The following ANKRD27 variants were observed in gnomAD, a reference collection of about 807,000 sequenced individuals.
The protein encoded by ANKRD27 is ankyrin repeat domain 27.
ANKRD27 carries 112 observed loss-of-function variants against 129.7 expected under a neutral mutation model. The observed-to-expected ratio is 0.86, with a 90% CI of 0.74 to 1.01. The LOEUF is 1.01. Ranked by LOEUF, ANKRD27 falls within the 50% of genes least tolerant of loss-of-function variation. ANKRD27 has a pLI of 0.00. For missense variants in ANKRD27, 1,258 were observed against 1,300.5 expected, an observed-to-expected ratio of 0.97 and a Z score of 0.50; for synonymous variants, 516 against 511.2, an observed-to-expected ratio of 1.01 and a Z score of -0.13.
chr19:32,674,101 G>A (rs1967929680), intron 1 of ANKRD27, among the ~76,000 whole-genome samples: 1 of 152,004 alleles, frequency 6.6e-6, no homozygotes. Flanking sequence ...AGGCTGCAAT[G>A]AGCTATGATG....
At chr19:32,612,344 G>A (rs10410683) in intron 22 of ANKRD27, among the ~76,000 whole-genome samples, 5,676 of 152,192 alleles carry the variant, frequency 0.037, 337 homozygotes, top group African/African-American at 0.13. Flanking sequence ...ATCAAAATCC[G>A]AGCAAGGTAT....
Position 32,631,429 on chromosome 19 carries a change from A to C in ANKRD27, c.1182T>G (p.Thr394=), listed in dbSNP as rs887033761. Residue 394 remains threonine, a synonymous_variant, in exon 13 of 29, where the codon ACT becomes ACG. Coordinates refer to ENST00000306065, the MANE Select transcript of ANKRD27 (RefSeq NM_032139.3). ...KQRMSLLSQM[T]SSPTDCLFKH... is the part of the protein sequence containing the mutation. ...TAAACAGGCAGTCGGTGGGAGACGA[A>C]GTCATCTGAGAGAGTAAGCTCATTC... is the stretch of plus-strand genomic sequence containing the variant. 3 of 1,614,048 alleles carry C rather than the reference A, an allele frequency of 1.9e-6. No individual in the cohort carries two copies.
intron 3 of ANKRD27, 68 bp downstream of exon 3, chr19:32,649,614 T>C (rs1403633930): frequency 5.6e-6 from 6 of 1,073,814 alleles, no homozygotes; most frequent in South Asian, 5.0e-5. Flanking sequence ...AGAACGGGAC[T>C]CTCTTCCTCC....
In ANKRD27 at chr19:32,619,298, T is replaced by C. The variant is rs2287669; in HGVS notation, c.1969A>G (p.Ser657Gly). The change falls in exon 20 of 29, where the codon AGC becomes GGC. Residue 657 changes from serine (S) to glycine (G), a missense_variant. Transcript: ENST00000306065. Reference protein sequence around the residue: ...STSSFSSMSASSRQEETKKDY... With the variant: ...STSSFSSMSAGSRQEETKKDY... The stretch of plus-strand genomic sequence containing the variant: ...TTCTTGGTCTCCTCCTGCCTTGAGC[T>C]GGCTGACATGGAGGAGAAGCTGGAA... 0.55 allele frequency: 888,716 copies of C among 1,613,012 alleles called. 249,246 individuals are homozygous for C. Among genetic ancestry groups the C allele is most frequent in the Non-Finnish European group, 0.58 (681,745 of 1,179,550 alleles).
chr19:32,633,386 G>A (rs754910241), intron 12 of ANKRD27, among the ~76,000 whole-genome samples: 3 of 138,020 alleles, frequency 2.2e-5, no homozygotes, highest in Non-Finnish European at 3.0e-5. Context: ...AAGCTGGACT[G>A]CAGTGGTATA....
At position 32,628,845 on chromosome 19, in the gene ANKRD27, A is replaced by T; in HGVS notation, c.1214T>A (p.Ile405Asn). ...CACTTCTTTCTGGTTACCTGATGCAATGTGCTGAAAAGTGACATCCAAGAT... is the reference window on the plus strand; with the variant it reads ...CACTTCTTTCTGGTTACCTGATGCATTGTGCTGAAAAGTGACATCCAAGAT... The part of the protein sequence containing the change: ...SSPTDCLFKH[I>N]ASGNQKEVER... The change falls in exon 14 of 29, where the codon ATT (isoleucine) becomes AAT (asparagine). Residue 405 changes from isoleucine to asparagine, a missense_variant. Ile to Asn is a moderately radical substitution (Grantham distance 149). Transcript: ENST00000306065. 6.2e-7 allele frequency: 1 copy of T among 1,614,008 alleles called. No homozygotes were observed. Among genetic ancestry groups the T allele is most frequent in the African/African-American group, 1.3e-5 (1 of 75,040 alleles).
At position 32,626,763 on chromosome 19, in the gene ANKRD27, A is replaced by G. The variant is rs1322057204; in HGVS notation, c.1485T>C (p.His495=). The G allele has an allele frequency of 1.9e-6, 3 of 1,612,482 alleles. No homozygotes were observed. Among genetic ancestry groups the G allele is most frequent in the Non-Finnish European group, 2.5e-6 (3 of 1,179,368 alleles). The change falls in exon 16 of 29, where the codon CAT becomes CAC. Residue 495 remains histidine (H), a synonymous_variant. Transcript: ENST00000306065. The part of the protein sequence containing the change: ...KGAMVNATDY[H]GATPLHLACQ... ...AGGCCAGGTGGAGCGGAGTGGCTCC[A>G]TGGTAGTCTGTGGCATTTACCATGG...
chr19:32,617,833 C>T (rs1301978360), intron 20 of ANKRD27, among the ~76,000 whole-genome samples, 200 bp from the exon 21 acceptor site: 1 of 151,468 alleles, frequency 6.6e-6, no homozygotes, highest in Non-Finnish European at 1.5e-5. Context: ...CGGCTCACCG[C>T]AACCTCCGCC....
Position 32,628,831 on chromosome 19 carries a change from G to T in ANKRD27, c.1228C>A (p.Gln410Lys). The change falls in exon 14 of 29, where the codon CAG becomes AAG. Residue 410 changes from glutamine (Q) to lysine (K), a missense_variant. Gln to Lys is a moderately conservative substitution (Grantham distance 53). Coordinates refer to ENST00000306065, the MANE Select transcript of ANKRD27 (RefSeq NM_032139.3). ...CTCAGAAGTCTCTCCACTTCTTTCT[G>T]GTTACCTGATGCAATGTGCTGAAAA... ...CLFKHIASGN[Q>K]KEVERLLSQE... 6.2e-7 allele frequency: 1 copy of T among 1,614,058 alleles called. No homozygotes were observed. Among genetic ancestry groups the T allele is most frequent in the South Asian group, 1.1e-5 (1 of 91,070 alleles).
rs146044105 is a variant in ANKRD27, at chr19:32,626,751, C to T, written c.1497G>A (p.Pro499=). The T allele has an allele frequency of 1.2e-4, 188 of 1,612,124 alleles. No homozygotes were observed. The African/African-American group carries it at 2.1e-3, about 18-fold the overall frequency. ...VNATDYHGAT[P]LHLACQKGYQ... ...AGCCCTTCTGACAGGCCAGGTGGAG[C>T]GGAGTGGCTCCATGGTAGTCTGTGG... is the stretch of plus-strand genomic sequence containing the variant. Residue 499 remains proline, a synonymous_variant, in exon 16 of 29, where the codon CCG becomes CCA. Coordinates refer to ENST00000306065, the MANE Select transcript of ANKRD27 (RefSeq NM_032139.3).
Position 32,656,103 on chromosome 19 carries a change from G to GGAAAAGAAAAGA in ANKRD27, c.102+2810_102+2811insTCTTTTCTTTTC, listed in dbSNP as rs753712685. The stretch of plus-strand genomic sequence containing the variant: ...AGAAAGAAAGAAAGAAAGAAAGAAA[G>GGAAAAGAAAAGA]AAAGAAAAGAAAAGAAAAGAAAAGA... On this transcript the variant is annotated intron_variant, in intron 2 of 28. Transcript: ENST00000306065. Among the ~76,000 whole-genome samples, 6 of 123,756 alleles carry GGAAAAGAAAAGA rather than the reference G, an allele frequency of 4.8e-5. No homozygotes were observed. In the South Asian group the frequency reaches 1.6e-3, roughly 34 times the overall value. 81.2% of individuals were successfully genotyped at this position (123,756 alleles called of 152,430 possible).
chr19:32,644,127 G>A (rs1006715846), intron 5 of ANKRD27, among the ~76,000 whole-genome samples, 198 bp downstream of exon 5: 2 of 151,982 alleles, frequency 1.3e-5, no homozygotes, highest in African/African-American at 2.4e-5. Flanking sequence ...CTCCCATCTC[G>A]GCCTCCCAAA....
At chr19:32,639,032 C>T (rs1225154072) in intron 12 of ANKRD27, 18 of 445,466 alleles carry the variant, frequency 4.0e-5, no homozygotes, top group Non-Finnish European at 7.1e-5. Context: ...CGTGACATCA[C>T]TTCTTGACTA....
At chr19:32,657,468 A>AAAC (rs1967562610) in intron 2 of ANKRD27, among the ~76,000 whole-genome samples, 2 of 151,418 alleles carry the variant, frequency 1.3e-5, no homozygotes, top group African/African-American at 4.9e-5. Context: ...TCTCAAAAAA[A>AAAC]AAAAAAAAAT....
At chr19:32,659,138 T>C (rs948767998) in intron 1 of ANKRD27, 93 bp from the exon 2 acceptor site, 19 of 201,512 alleles carry the variant, frequency 9.4e-5, no homozygotes, top group East Asian at 4.7e-4. Context: ...ATTTTCTTTT[T>C]CTTTTTTTTT....
chr19:32,637,838 G>A (rs2145295194), intron 12 of ANKRD27: 1 of 152,434 alleles, frequency 6.6e-6, no homozygotes, highest in East Asian at 1.9e-4. Context: ...CCAAGCCCGG[G>A]TACTGTTGCA....
At chr19:32,637,002 C>G (rs530593037) in intron 12 of ANKRD27, among the ~76,000 whole-genome samples, 101 of 152,330 alleles carry the variant, frequency 6.6e-4, no homozygotes, top group African/African-American at 2.0e-3. Context: ...CCTGCCTTGG[C>G]TTCCCAAAGT....
In ANKRD27 at chr19:32,646,528, A is replaced by G. The variant is rs761179501; in HGVS notation, c.301T>C (p.Tyr101His). 2 of 1,614,038 alleles carry G rather than the reference A, an allele frequency of 1.2e-6. No individual in the cohort carries two copies. The highest frequency in any genetic ancestry group is 3.3e-5 in the Admixed American group (2 of 59,992). Residue 101 changes from tyrosine (Y) to histidine (H), a missense_variant, in exon 4 of 29, where the codon TAC (tyrosine) becomes CAC (histidine). Physicochemically the swap from Tyr to His is moderately conservative, Grantham distance 83 (BLOSUM62 2). Coordinates refer to ENST00000306065, the MANE Select transcript of ANKRD27 (RefSeq NM_032139.3). The part of the protein sequence containing the change: ...SVPILFEETF[Y>H]NEKEESFSIL... ...CTGAAACTCTCTTCTTTTTCATTGT[A>G]GAAAGTTTCTTCAAAGAGAATGGGC...
chr19:32,639,596 G>C (rs755577132), intron 11 of ANKRD27, 108 bp from the exon 12 acceptor site: 3 of 1,181,404 alleles, frequency 2.5e-6, no homozygotes, highest in Non-Finnish European at 3.6e-6. Context: ...CAGTTGGTTC[G>C]CTCAGGAAGC....
Sources: allele counts gnomAD v4.1 joint callset (sites outside exome capture counted in the v4.1 genomes callset), GRCh38; gene constraint gnomAD v4.1.1; transcripts MANE v1.5; gene names NCBI Gene and HGNC (gene_info 2026-07-23, HGNC 2026-07-21).